SARNP: variants seen among roughly 807,000 people sequenced by gnomAD.
SARNP encodes the protein SAP domain containing ribonucleoprotein, also known as SAP domain-containing ribonucleoprotein.
In SARNP, 5 loss-of-function variants were observed where a neutral mutation model predicts 38.1. The ratio of observed to expected loss-of-function variants is 0.13; its 90% CI spans 0.07 to 0.28. SARNP has a LOEUF of 0.28. SARNP is among the 10% of genes least tolerant of loss of function. SARNP has a pLI of 1.00. For missense variants in SARNP, 180 were observed against 243.9 expected, an observed-to-expected ratio of 0.74 and a Z score of 1.75; for synonymous variants, 84 against 80.6, an observed-to-expected ratio of 1.04 and a Z score of -0.23.
At chr12:55,807,743 G>A (rs933351088) in intron 1 of SARNP, among the ~76,000 whole-genome samples, 2 of 151,426 alleles carry the variant, frequency 1.3e-5, no homozygotes, top group African/African-American at 4.9e-5. Flanking sequence ...GAACCCGGGA[G>A]GCGGAGCTTG....
At chr12:55,786,979 C>T (rs573111205) in intron 9 of SARNP, among the ~76,000 whole-genome samples, 5 of 152,002 alleles carry the variant, frequency 3.3e-5, no homozygotes, top group South Asian at 2.1e-4. Context: ...ACCTATAGTC[C>T]GGCACTTTGG....
At chr12:55,795,897 C>G in intron 5 of SARNP, 128 bp downstream of exon 5, 3 of 659,140 alleles carry the variant, frequency 4.6e-6, no homozygotes, top group Non-Finnish European at 7.8e-6. Context: ...TGAAACGTAT[C>G]AACACCAAAA....
intron 9 of SARNP, among the ~76,000 whole-genome samples, chr12:55,764,546 A>G (rs1309669612): frequency 1.3e-5 from 2 of 151,056 alleles, no homozygotes; most frequent in Non-Finnish European, 3.0e-5. Context: ...AAAAAAAAAA[A>G]AAGAATAAGG....
At chr12:55,755,274 T>C (rs1878470274), downstream of SARNP, 1 of 147,548 alleles carries the variant, frequency 6.8e-6, no homozygotes, top group South Asian at 2.2e-4. Context: ...ATAGCCCTCA[T>C]CCTCACAGAA....
chr12:55,802,990 T>C (rs986933929), intron 2 of SARNP, among the ~76,000 whole-genome samples: 14 of 149,002 alleles, frequency 9.4e-5, no homozygotes, highest in Non-Finnish European at 1.9e-4. Flanking sequence ...TGGCCAGTTA[T>C]GTAATTACCA....
intron 9 of SARNP, among the ~76,000 whole-genome samples, chr12:55,779,809 T>C (rs1050137765): frequency 1.8e-4 from 27 of 152,160 alleles, no homozygotes; most frequent in Non-Finnish European, 2.4e-4. Flanking sequence ...TTACCTGTAA[T>C]TTTAATTTAT....
At chr12:55,803,592 CCTCA>C (rs1880049769) in intron 2 of SARNP, 33 bp downstream of exon 2, 1 of 1,296,360 alleles carries the variant, frequency 7.7e-7, no homozygotes, top group Admixed American at 1.9e-5. Context: ...CTGAAAATCC[CCTCA>C]CTCACATCAC....
intron 9 of SARNP, among the ~76,000 whole-genome samples, chr12:55,774,591 A>G (rs1166666762): frequency 6.8e-6 from 1 of 147,328 alleles, no homozygotes; most frequent in African/African-American, 2.6e-5. Flanking sequence ...AAAAAAAAAA[A>G]ACAAAAATTA....
rs1395195296 is a variant in SARNP at position 55,757,448 on chromosome 12, T to G, written c.*64A>C. 1 of 1,448,766 alleles carries G rather than the reference T, an allele frequency of 6.9e-7. No individual in the cohort carries two copies. The highest frequency in any genetic ancestry group is 9.5e-7 in the Non-Finnish European group (1 of 1,048,038). The allele number at this position is 1,448,766 out of a possible 1,614,324, so 89.7% of individuals were successfully genotyped here. A position where few individuals can be genotyped will look rare whatever the true frequency, so the allele number is the denominator to read the frequency against. ...ACATGACTGTGCATTTAGGCATATA[T>G]GTGACCAAGAAGAAGGAGAGAAATG... On this transcript the variant is annotated 3_prime_UTR_variant, in exon 11 of 11. Transcript: ENST00000336133.
intron 1 of SARNP, among the ~76,000 whole-genome samples, chr12:55,810,291 C>G (rs1880285654): frequency 6.6e-6 from 1 of 151,702 alleles, no homozygotes; most frequent in South Asian, 2.1e-4. Flanking sequence ...TTTTTTATTT[C>G]CAGTAGAGAT....
intron 9 of SARNP, among the ~76,000 whole-genome samples, chr12:55,774,571 AAAACAAACAAAAAAAAAAAAAC>A (rs1879111054): frequency 2.4e-5 from 2 of 82,942 alleles, no homozygotes; most frequent in Non-Finnish European, 4.1e-5. Flanking sequence ...AAAAAAAAAA[AAAACAAACAAAAAAAAAAAAAC>A]AAAAATTAGC....
At chr12:55,816,979 G>T (rs974537933) in intron 1 of SARNP, among the ~76,000 whole-genome samples, 2 of 152,076 alleles carry the variant, frequency 1.3e-5, no homozygotes, top group Non-Finnish European at 2.9e-5. Flanking sequence ...GTTCTCTCTG[G>T]TGGTTGGAGA....
chr12:55,790,549 T>TA lies in SARNP; in HGVS notation c.432+17dup. On this transcript the variant is annotated intron_variant, in intron 8 of 10. Coordinates refer to ENST00000336133, the MANE Select transcript of SARNP (RefSeq NM_033082.4). ...AATTAAGATCTGGGTGTGTAAGAAA[T>TA]AAAAAAAGATTTCTTACCATAGGTT... 3.8e-6 allele frequency: 6 copies of TA among 1,560,424 alleles called. No homozygotes were observed. Among genetic ancestry groups the TA allele is most frequent in the Non-Finnish European group, 5.2e-6 (6 of 1,154,236 alleles).
chr12:55,769,069 G>C (rs1232673145), intron 9 of SARNP, among the ~76,000 whole-genome samples: 1 of 152,094 alleles, frequency 6.6e-6, no homozygotes, highest in Non-Finnish European at 1.5e-5. Context: ...AGGCTTTGCT[G>C]ATTTCATAAA....
At chr12:55,754,011 G>C (rs114696978), downstream of SARNP, 4 of 152,318 alleles carry the variant, frequency 2.6e-5, no homozygotes, top group African/African-American at 9.6e-5. Flanking sequence ...ACATCAACCT[G>C]ATCCAGAATT....
chr12:55,779,504 C>T (rs1360380661), intron 9 of SARNP, among the ~76,000 whole-genome samples: 8 of 152,216 alleles, frequency 5.3e-5, no homozygotes, highest in East Asian at 1.9e-4. Flanking sequence ...GAAACTAATT[C>T]TTCTACCACT....
intron 2 of SARNP, 104 bp downstream of exon 2, chr12:55,803,525 G>T (rs1880046696): frequency 3.3e-6 from 2 of 606,636 alleles, no homozygotes; most frequent in Admixed American, 2.9e-5. Flanking sequence ...CGTTAATTAA[G>T]AGCTTACATT....
intron 9 of SARNP, among the ~76,000 whole-genome samples, chr12:55,785,177 C>CT (rs1434483834): frequency 1.3e-5 from 2 of 152,162 alleles, no homozygotes; most frequent in Non-Finnish European, 2.9e-5. Context: ...ATGCACTACT[C>CT]TAGCACATAT....
At chr12:55,803,592 CCT>C in intron 2 of SARNP, 35 bp downstream of exon 2, 1 of 1,296,360 alleles carries the variant, frequency 7.7e-7, no homozygotes, top group South Asian at 1.4e-5. Flanking sequence ...CTGAAAATCC[CCT>C]CACTCACATC....
Sources: gnomAD v4.1 joint callset for allele counts (sites outside exome capture counted in the v4.1 genomes callset) on GRCh38, gnomAD v4.1.1 for gene constraint, MANE v1.5 for transcripts, NCBI Gene and HGNC (gene_info 2026-07-23, HGNC 2026-07-21) for gene names.